Variants in RAPGEF2 observed in about 807,000 individuals in gnomAD.
RAPGEF2 encodes the protein Rap guanine nucleotide exchange factor 2, also known as PDZ domain containing guanine nucleotide exchange factor (GEF) 1.
Under a neutral mutation model 186.7 loss-of-function variants are expected in RAPGEF2, and 54 were observed. The ratio of observed to expected loss-of-function variants is 0.29; its 90% confidence interval spans 0.23 to 0.36. The LOEUF (loss-of-function observed/expected upper bound fraction) is 0.36. Among genes scored for constraint, RAPGEF2 ranks in the 10% least tolerant of loss-of-function variants. The probability of loss-of-function intolerance (pLI) is 1.00; values close to 1 mark genes in which losing one functional copy is unlikely to be tolerated. For missense variants in RAPGEF2, 1,532 were observed against 2,045.0 expected (o/e 0.75, Z 4.84); for synonymous variants, 712 against 705.9 (o/e 1.01, Z -0.14).
chr4:159,330,064 G>T, intron 12 of RAPGEF2, 54 bp downstream of exon 12: 1 of 1,544,048 alleles, frequency 6.5e-7, no homozygotes, highest in Non-Finnish European at 8.7e-7. Context: ...TGGTAGTATT[G>T]GTTGTGGCAG....
chr4:159,123,085 T>C (rs1404080354), intron 1 of RAPGEF2, among the ~76,000 whole-genome samples: 1 of 152,262 alleles, frequency 6.6e-6, no homozygotes, highest in Non-Finnish European at 1.5e-5. Context: ...GAAAATAGTA[T>C]ACAATACAAC....
intron 11 of RAPGEF2, chr4:159,329,575 T>G (rs1458462930): frequency 2.7e-5 from 5 of 184,970 alleles, no homozygotes; most frequent in African/African-American, 7.0e-5. Context: ...GAAAGAAGCA[T>G]GAAAAAGCTA....
chr4:159,332,351 C>T, intron 16 of RAPGEF2, 100 bp from the exon 17 acceptor site: 1 of 1,270,002 alleles, frequency 7.9e-7, no homozygotes, highest in Non-Finnish European at 1.1e-6. Context: ...TAACTGAAGT[C>T]TGTACTTCTC....
At chr4:159,193,842 T>A (rs1385591557) in intron 3 of RAPGEF2, among the ~76,000 whole-genome samples, 4 of 152,256 alleles carry the variant, frequency 2.6e-5, no homozygotes, top group Non-Finnish European at 5.9e-5. Context: ...TTGCCATGAC[T>A]GTTGTTTTGT....
chr4:159,241,136 T>C, intron 5 of RAPGEF2, 65 bp from the exon 6 acceptor site: 4 of 1,249,794 alleles, frequency 3.2e-6, no homozygotes, highest in Non-Finnish European at 4.2e-6. Flanking sequence ...AGTTTCTTTC[T>C]GTATCTAATA....
At chr4:159,338,150 C>T (rs2111244178) in intron 17 of RAPGEF2, among the ~76,000 whole-genome samples, 161 bp from the exon 18 acceptor site, 1 of 151,970 alleles carries the variant, frequency 6.6e-6, no homozygotes, top group East Asian at 1.9e-4. Context: ...TACACTTAAG[C>T]AGTAGTTGCT....
rs779438314 is a variant in RAPGEF2 at position 159,314,581 on chromosome 4, G to T, written c.676-10G>T. On this transcript the variant is annotated splice_polypyrimidine_tract_variant and intron_variant, in intron 8 of 29. Coordinates refer to ENST00000691494, the MANE Select transcript of RAPGEF2 (RefSeq NM_001394067.2). ...AAAATAGTTTTTAATTTTTGTGTGTGTGTCTTAAGGCCACAGAAAGCGAGG... is the reference window on the plus strand; with the variant it reads ...AAAATAGTTTTTAATTTTTGTGTGTTTGTCTTAAGGCCACAGAAAGCGAGG... 6.9e-6 allele frequency: 11 copies of T among 1,588,446 alleles called. No individual in the cohort carries two copies. In the South Asian group the frequency reaches 1.3e-4, roughly 18 times the overall value.
At chr4:159,356,659 G>C (rs1732057232) in intron 29 of RAPGEF2, among the ~76,000 whole-genome samples, 1 of 152,204 alleles carries the variant, frequency 6.6e-6, no homozygotes, top group Non-Finnish European at 1.5e-5. Context: ...CCAGCACTTT[G>C]GGAGGCTGAG....
At chr4:159,123,226 G>A (rs1739912692) in intron 1 of RAPGEF2, among the ~76,000 whole-genome samples, 1 of 152,202 alleles carries the variant, frequency 6.6e-6, no homozygotes, top group Non-Finnish European at 1.5e-5. Flanking sequence ...TAATATCCGA[G>A]TTGTTCATAG....
intron 7 of RAPGEF2, among the ~76,000 whole-genome samples, chr4:159,286,751 C>T (rs1378122969): frequency 2.0e-5 from 3 of 152,182 alleles, no homozygotes; most frequent in Non-Finnish European, 4.4e-5. Flanking sequence ...ACCTGGCTGG[C>T]TTCATGACTC....
chr4:159,206,380 T>C (rs919554330), intron 3 of RAPGEF2, among the ~76,000 whole-genome samples: 3 of 152,190 alleles, frequency 2.0e-5, no homozygotes, highest in Admixed American at 6.5e-5. Flanking sequence ...TGTCAGACCA[T>C]TGGAAGTTGG....
At chr4:159,310,857 T>C (rs1763867931) in intron 8 of RAPGEF2, among the ~76,000 whole-genome samples, 1 of 152,196 alleles carries the variant, frequency 6.6e-6, no homozygotes. Flanking sequence ...TGCGTGAGTC[T>C]TAGTAGTGTT....
chr4:159,207,256 TAAAG>T (rs1750086405), intron 3 of RAPGEF2, among the ~76,000 whole-genome samples: 2 of 152,220 alleles, frequency 1.3e-5, no homozygotes, highest in Admixed American at 1.3e-4. Context: ...TTTCCTGATA[TAAAG>T]AGTCAACCCT....
chr4:159,348,282 G>GGATGGATA (rs1399107194), intron 25 of RAPGEF2, among the ~76,000 whole-genome samples: 7 of 120,412 alleles, frequency 5.8e-5, no homozygotes, highest in African/African-American at 1.9e-4. Flanking sequence ...ATGGATGGAT[G>GGATGGATA]GATAGATAGA....
At chr4:159,199,073 AAAAAAG>A (rs1484222125) in intron 3 of RAPGEF2, among the ~76,000 whole-genome samples, 3 of 151,842 alleles carry the variant, frequency 2.0e-5, no homozygotes, top group Admixed American at 6.6e-5. Context: ...AAAAAAAAAA[AAAAAAG>A]TGAAACCAAA....
intron 4 of RAPGEF2, chr4:159,229,418 ACCC>A: frequency 6.6e-6 from 1 of 152,186 alleles, no homozygotes; most frequent in South Asian, 2.1e-4. Context: ...AGTGCTCTTG[ACCC>A]AACTTGGGAG....
intron 1 of RAPGEF2, among the ~76,000 whole-genome samples, chr4:159,186,048 T>C (rs989379312): frequency 2.0e-5 from 3 of 152,056 alleles, no homozygotes; most frequent in Admixed American, 2.0e-4. Flanking sequence ...TTACTTCTTC[T>C]GAACTTTCAT....
intron 4 of RAPGEF2, among the ~76,000 whole-genome samples, chr4:159,227,160 G>C (rs1301945684): frequency 6.6e-6 from 1 of 152,200 alleles, no homozygotes; most frequent in East Asian, 1.9e-4. Flanking sequence ...AAGAATATCA[G>C]ATGTTTAGTT....
chr4:159,221,344 G>A (rs1751524896), intron 4 of RAPGEF2, among the ~76,000 whole-genome samples: 1 of 152,150 alleles, frequency 6.6e-6, no homozygotes, highest in Admixed American at 6.5e-5. Flanking sequence ...CCAAACCCCA[G>A]CCATCATGTC....
Sources: gnomAD v4.1 joint callset for allele counts (sites outside exome capture counted in the v4.1 genomes callset) on GRCh38, gnomAD v4.1.1 for gene constraint, MANE v1.5 for transcripts, NCBI Gene and HGNC (gene_info 2026-07-23, HGNC 2026-07-21) for gene names.